The following SDCBP variants were observed in gnomAD, a reference collection of about 807,000 sequenced individuals.
SDCBP encodes syndecan binding protein.
A neutral mutation model predicts 30.5 loss-of-function variants in SDCBP; 22 were observed. The observed-to-expected ratio is 0.72, with a 90% CI of 0.52 to 1.03. The LOEUF (loss-of-function observed/expected upper bound fraction) is 1.03, where lower values mean the gene tolerates loss of function less well. Ranked by LOEUF, SDCBP falls within the 50% of genes least tolerant of loss-of-function variation. SDCBP has a pLI of 0.00. For synonymous variants in SDCBP, 103 were observed against 118.7 expected, an observed-to-expected ratio of 0.87 and a Z score of 0.86; for missense variants, 304 against 369.9, an observed-to-expected ratio of 0.82 and a Z score of 1.46.
intron 5 of SDCBP, 138 bp downstream of exon 5, chr8:58,576,199 T>A: frequency 1.4e-6 from 1 of 700,788 alleles, no homozygotes; most frequent in Non-Finnish European, 2.3e-6. Context: ...TCTACTAACT[T>A]AAATGTTTTC....
intron 7 of SDCBP, among the ~76,000 whole-genome samples, chr8:58,580,215 T>A (rs1019151906): frequency 6.6e-6 from 1 of 152,212 alleles, no homozygotes; most frequent in African/African-American, 2.4e-5. Flanking sequence ...ACCTCCTCAT[T>A]TCATAGAATT....
intron 8 of SDCBP, 88 bp from the exon 9 acceptor site, chr8:58,581,598 T>A: frequency 1.1e-6 from 1 of 942,882 alleles, no homozygotes; most frequent in Admixed American, 1.8e-5. Context: ...GGTGCTAAAT[T>A]GGAATTGGGA....
intron 1 of SDCBP, among the ~76,000 whole-genome samples, chr8:58,562,294 C>T (rs1423580247): frequency 6.6e-6 from 1 of 152,010 alleles, no homozygotes; most frequent in Non-Finnish European, 1.5e-5. Flanking sequence ...ATAAGAGACT[C>T]ACTTCAGATT....
At chr8:58,572,546 CCTT>C (rs1805085373) in intron 4 of SDCBP, among the ~76,000 whole-genome samples, 1 of 152,094 alleles carries the variant, frequency 6.6e-6, no homozygotes, top group African/African-American at 2.4e-5. Context: ...AGTTCGTTCT[CCTT>C]TGTCTTCTGC....
At chr8:58,579,929 G>T in intron 7 of SDCBP, 135 bp downstream of exon 7, 2 of 704,744 alleles carry the variant, frequency 2.8e-6, no homozygotes, top group East Asian at 5.7e-5. Flanking sequence ...TCTTGGTCTG[G>T]CCAGTCACCG....
rs148497982 is a variant in SDCBP, at chr8:58,579,696, A to G, written c.652A>G (p.Ile218Val). The change falls in exon 7 of 9, where the codon ATA (isoleucine) becomes GTA (valine). Residue 218 changes from isoleucine to valine, a missense_variant. Ile to Val is a conservative substitution (Grantham distance 29). Transcript: ENST00000260130. ...HVGFIFKNGK[I>V]TSIVKDSSAA... ...TGGTTTTATCTTTAAAAATGGAAAA[A>G]TAACATCCATAGTGAAAGATAGCTC... 123 of 1,612,372 alleles carry G rather than the reference A, an allele frequency of 7.6e-5. No individual in the cohort carries two copies. The African/African-American group carries it at 1.2e-3, about 16-fold the overall frequency.
intron 1 of SDCBP, among the ~76,000 whole-genome samples, chr8:58,558,772 A>G (rs1585677673): frequency 6.6e-6 from 1 of 152,188 alleles, no homozygotes; most frequent in South Asian, 2.1e-4. Context: ...CACTTGACCT[A>G]TGCCTCAAGG....
intron 4 of SDCBP, among the ~76,000 whole-genome samples, chr8:58,573,286 T>C (rs1805135339): frequency 6.6e-6 from 1 of 152,206 alleles, no homozygotes; most frequent in Non-Finnish European, 1.5e-5. Context: ...TGTTGCCATA[T>C]CCCAATGCAT....
At position 58,553,296 on chromosome 8, in the gene SDCBP, T is replaced by G. The variant is rs915626493; in HGVS notation, c.-23T>G. ...GGCGGCGGCGGCGAGCGGTTCCTTG[T>G]GGGCTAGGTGAGAGGCCAAGGGGGC... On this transcript the variant is annotated 5_prime_UTR_variant, in exon 1 of 9. Coordinates refer to ENST00000260130, the MANE Select transcript of SDCBP (RefSeq NM_005625.4). The G allele has an allele frequency of 1.3e-5, 2 of 154,210 alleles. No homozygotes were observed. The highest frequency in any genetic ancestry group is 4.8e-5 in the African/African-American group (2 of 41,440). The allele number at this position is 154,210 out of a possible 1,614,324, so 9.6% of individuals were successfully genotyped here.
chr8:58,573,673 A>G (rs1459614079), intron 4 of SDCBP, among the ~76,000 whole-genome samples: 2 of 152,208 alleles, frequency 1.3e-5, no homozygotes, highest in Non-Finnish European at 2.9e-5. Flanking sequence ...AGGCTTACAC[A>G]GTACTGACAG....
At chr8:58,575,590 G>C (rs1805268279) in intron 4 of SDCBP, among the ~76,000 whole-genome samples, 1 of 152,174 alleles carries the variant, frequency 6.6e-6, no homozygotes, top group Non-Finnish European at 1.5e-5. Flanking sequence ...AAAAGTATAT[G>C]GCCTTTAAGT....
intron 5 of SDCBP, among the ~76,000 whole-genome samples, chr8:58,577,056 C>T (rs1247478920): frequency 2.0e-5 from 3 of 152,374 alleles, no homozygotes; most frequent in African/African-American, 2.4e-5. Flanking sequence ...TACTGCTGCT[C>T]CTTCCGCCAG....
chr8:58,581,726 A>G lies in SDCBP; in HGVS notation c.883A>G (p.Ile295Val), dbSNP rs1280686991. The G allele has an allele frequency of 6.2e-7, 1 of 1,612,368 alleles. No individual in the cohort carries two copies. The highest frequency in any genetic ancestry group is 1.3e-5 in the African/African-American group (1 of 74,982). ...TATGAAAAGCCTAATGGACCACACC[A>G]TTCCTGAGGTTTAAAATTCACGGCA... is the stretch of plus-strand genomic sequence containing the variant. ...SIMKSLMDHT[I>V]PEV The change falls in exon 9 of 9, where the codon ATT becomes GTT. Residue 295 changes from isoleucine (I) to valine (V), a missense_variant. Physicochemically the swap from Ile to Val is conservative, Grantham distance 29. Coordinates refer to ENST00000260130, the MANE Select transcript of SDCBP (RefSeq NM_005625.4).
At chr8:58,581,214 A>G (rs1440065962) in intron 8 of SDCBP, among the ~76,000 whole-genome samples, 2 of 152,224 alleles carry the variant, frequency 1.3e-5, no homozygotes, top group African/African-American at 4.8e-5. Context: ...ATGCATGTGA[A>G]AATGAGATTT....
chr8:58,582,538 T>G lies in SDCBP; in HGVS notation c.*798T>G, dbSNP rs933254201. Reference sequence around the variant, plus strand: ...AATGGAAACTTCTTTCTTCTAAAAGTTGCCAGTGCCACTTTTAAGAAGTGA... The same window carrying G: ...AATGGAAACTTCTTTCTTCTAAAAGGTGCCAGTGCCACTTTTAAGAAGTGA... On this transcript the variant is annotated 3_prime_UTR_variant, in exon 9 of 9. Transcript: ENST00000260130. The G allele has an allele frequency of 5.2e-5, 8 of 152,632 alleles. No individual in the cohort carries two copies. The highest frequency in any genetic ancestry group is 1.7e-4 in the African/African-American group (7 of 41,454). 9.5% of individuals were successfully genotyped at this position (152,632 alleles called of 1,614,324 possible). A position where few individuals can be genotyped will look rare whatever the true frequency, so the allele number is the denominator to read the frequency against.
rs1804979201 is a variant in SDCBP at position 58,570,944 on chromosome 8, G to C, written c.109G>C (p.Ala37Pro). 6.2e-7 allele frequency: 1 copy of C among 1,612,380 alleles called. No individual in the cohort carries two copies. The highest frequency in any genetic ancestry group is 1.7e-4 in the Middle Eastern group (1 of 6,056). ...TCCAGCAATTTTGTCAGAAGCTTCT[G>C]CTCCTATCCCTCACGATGGAAGTAG... ...ANPAILSEASAPIPHDGNLYP... is the reference protein window; with the variant it reads ...ANPAILSEASPPIPHDGNLYP... Residue 37 changes from alanine (A) to proline (P), a missense_variant, in exon 3 of 9, where the codon GCT (alanine) becomes CCT (proline). By Grantham distance (27) the Ala-to-Pro change is conservative (BLOSUM62 -1). Coordinates refer to ENST00000260130, the MANE Select transcript of SDCBP (RefSeq NM_005625.4).
At chr8:58,580,479 C>G in intron 7 of SDCBP, 38 bp from the exon 8 acceptor site, 1 of 981,422 alleles carries the variant, frequency 1.0e-6, no homozygotes, top group South Asian at 1.3e-5. Flanking sequence ...TTAAATAAAG[C>G]CTCTGTGGAA....
At chr8:58,562,712 TAAAGAC>T (rs1585683703) in intron 1 of SDCBP, among the ~76,000 whole-genome samples, 1 of 152,182 alleles carries the variant, frequency 6.6e-6, no homozygotes, top group Non-Finnish European at 1.5e-5. Context: ...ATGCAGGAAT[TAAAGAC>T]ATAACATTTT....
At chr8:58,573,226 A>G (rs1373038827) in intron 4 of SDCBP, among the ~76,000 whole-genome samples, 1 of 152,168 alleles carries the variant, frequency 6.6e-6, no homozygotes, top group African/African-American at 2.4e-5. Flanking sequence ...TGCTATGACC[A>G]TAGCACTTTG....
Sources: gnomAD v4.1 joint callset for allele counts (sites outside exome capture counted in the v4.1 genomes callset) on GRCh38, gnomAD v4.1.1 for gene constraint, MANE v1.5 for transcripts, NCBI Gene and HGNC (gene_info 2026-07-23, HGNC 2026-07-21) for gene names.